Variants in USP34 observed in about 807,000 individuals in gnomAD.
USP34 encodes ubiquitin carboxyl-terminal hydrolase 34.
USP34 carries 70 observed loss-of-function variants against 460.3 expected under a neutral mutation model. That is an observed-to-expected ratio of 0.15 (90% CI 0.13 to 0.19). The LOEUF (loss-of-function observed/expected upper bound fraction) is 0.19, where lower values mean the gene tolerates loss of function less well. Among genes scored for constraint, USP34 ranks in the 10% least tolerant of loss-of-function variants. USP34 has a pLI of 1.00. For missense variants in USP34, 3,985 were observed against 4,236.2 expected, an observed-to-expected ratio of 0.94 and a Z score of 1.65; for synonymous variants, 1,647 against 1,405.3, an observed-to-expected ratio of 1.17 and a Z score of -3.85.
At chr2:61,378,465 A>G in intron 7 of USP34, 41 bp from the exon 8 acceptor site, 1 of 1,428,712 alleles carries the variant, frequency 7.0e-7, no homozygotes, top group South Asian at 1.3e-5. Flanking sequence ...TTATTTCCAA[A>G]ATTATTCTTG....
At chr2:61,265,306 TC>T in intron 43 of USP34, 90 bp downstream of exon 43, 1 of 1,384,854 alleles carries the variant, frequency 7.2e-7, no homozygotes, top group Non-Finnish European at 9.8e-7. Flanking sequence ...AATTATTTTT[TC>T]AAACATTTAC....
At position 61,309,035 on chromosome 2, in the gene USP34, A is replaced by C. The variant is rs571362887; in HGVS notation, c.3817+2505T>G. On this transcript the variant is annotated intron_variant, in intron 27 of 79. Coordinates refer to ENST00000398571, the MANE Select transcript of USP34 (RefSeq NM_014709.4). ...GGGTGACAGAGGGAGACTATCTCAA[A>C]AACAACAACAACAACAACAACAACA... Among the ~76,000 whole-genome samples the C allele has an allele frequency of 1.1e-4, 16 of 151,394 alleles. No individual in the cohort carries two copies. The East Asian group carries it at 2.3e-3, about 22-fold the overall frequency.
intron 10 of USP34, among the ~76,000 whole-genome samples, chr2:61,366,890 A>G (rs1692457928): frequency 6.6e-6 from 1 of 152,140 alleles, no homozygotes. Context: ...TCTGCAAAAA[A>G]ACACAAAAAT....
chr2:61,421,035 G>A (rs1019627505), intron 1 of USP34, among the ~76,000 whole-genome samples: 1 of 151,824 alleles, frequency 6.6e-6, no homozygotes, highest in Admixed American at 6.6e-5. Context: ...GGTGGGGGGG[G>A]CAGTGAGACT....
At chr2:61,350,431 C>A in intron 11 of USP34, 42 bp from the exon 12 acceptor site, 1 of 1,580,870 alleles carries the variant, frequency 6.3e-7, no homozygotes, top group Non-Finnish European at 8.6e-7. Flanking sequence ...GAATTCCAGG[C>A]AACACTAACA....
rs1031616040 is a variant in USP34, at chr2:61,249,168, T to G, written c.6222-485A>C. On this transcript the variant is annotated intron_variant, in intron 48 of 79. Transcript: ENST00000398571. ...TTAGCAACCTCATCGTATGATTTTT[T>G]TCTTTTCATATTGAGAACTTTAAGG... is the stretch of plus-strand genomic sequence containing the variant. Among the ~76,000 whole-genome samples the G allele has an allele frequency of 2.0e-5, 3 of 152,258 alleles. No individual in the cohort carries two copies. In the East Asian group the frequency reaches 5.8e-4, roughly 29 times the overall value.
At chr2:61,249,516 T>C (rs941594523) in intron 48 of USP34, among the ~76,000 whole-genome samples, 2 of 152,204 alleles carry the variant, frequency 1.3e-5, no homozygotes, top group Non-Finnish European at 2.9e-5. Context: ...GGTAACAAAC[T>C]GCAGAAAGAA....
At chr2:61,303,929 G>A (rs1408078975) in intron 27 of USP34, among the ~76,000 whole-genome samples, 5 of 151,816 alleles carry the variant, frequency 3.3e-5, no homozygotes, top group Non-Finnish European at 7.4e-5. Flanking sequence ...GAGGAGTCTC[G>A]CTCTGTCGCC....
At position 61,293,496 on chromosome 2, in the gene USP34, G is replaced by T. The variant is rs761916298; in HGVS notation, c.4516C>A (p.Leu1506Ile). 3 of 1,612,858 alleles carry T rather than the reference G, an allele frequency of 1.9e-6. No individual in the cohort carries two copies. Among genetic ancestry groups the T allele is most frequent in the Non-Finnish European group, 2.5e-6 (3 of 1,179,360 alleles). Residue 1506 changes from leucine (L) to isoleucine (I), a missense_variant, in exon 33 of 80, where the codon CTA becomes ATA. By Grantham distance (5) the Leu-to-Ile change is conservative. Around this residue, in one of 14 missense-constraint regions of USP34, gnomAD observed 1,114 missense variants for 1,122.5 expected, o/e 0.99. Coordinates refer to ENST00000398571, the MANE Select transcript of USP34 (RefSeq NM_014709.4). ...CATGATTCCTGCTCTTTAGGCTCTA[G>T]AATTCCAGAATTAAAAATTTCTAAT... is the stretch of plus-strand genomic sequence containing the variant. ...QLLEIFNSGI[L>I]EPKEQESWTV...
chr2:61,288,501 GATGAAATGAA>G (rs1327372157), intron 34 of USP34, among the ~76,000 whole-genome samples, 166 bp downstream of exon 34: 1 of 152,176 alleles, frequency 6.6e-6, no homozygotes, highest in Non-Finnish European at 1.5e-5. Flanking sequence ...CATTCTGGAT[GATGAAATGAA>G]AAGCAATACT....
At chr2:61,368,723 A>AT (rs764233182) in intron 10 of USP34, among the ~76,000 whole-genome samples, 13 of 152,212 alleles carry the variant, frequency 8.5e-5, no homozygotes, top group Non-Finnish European at 1.8e-4. Context: ...TGGATCAAAG[A>AT]TTAAGATATA....
At chr2:61,468,369 G>A (rs1264295115) in intron 1 of USP34, among the ~76,000 whole-genome samples, 3 of 152,308 alleles carry the variant, frequency 2.0e-5, no homozygotes, top group Non-Finnish European at 4.4e-5. Flanking sequence ...TTTGAGTAGA[G>A]ACGGGGTTTC....
chr2:61,248,869 A>T (rs538249269), intron 48 of USP34, among the ~76,000 whole-genome samples, 186 bp from the exon 49 acceptor site: 2 of 152,156 alleles, frequency 1.3e-5, no homozygotes, highest in South Asian at 4.1e-4. Flanking sequence ...ACAGTATCAA[A>T]CTCTATATAC....
At chr2:61,263,638 T>G (rs1005199129) in intron 43 of USP34, among the ~76,000 whole-genome samples, 1 of 152,014 alleles carries the variant, frequency 6.6e-6, no homozygotes, top group Non-Finnish European at 1.5e-5. Context: ...CCCACCACCA[T>G]ACCCAGCTAT....
Position 61,308,630 on chromosome 2 carries a change from C to CCATT in USP34, c.3817+2909_3817+2910insAATG, listed in dbSNP as rs1572920775. On this transcript the variant is annotated intron_variant, in intron 27 of 79. Coordinates refer to ENST00000398571, the MANE Select transcript of USP34 (RefSeq NM_014709.4). ...TGTGCCAAACTGAAAGGGTCCAGTGCTAAATACCTAAACATGTAAATACTG... is the reference window on the plus strand; with the variant it reads ...TGTGCCAAACTGAAAGGGTCCAGTGCCATTTAAATACCTAAACATGTAAATACTG... Among the ~76,000 whole-genome samples the CCATT allele has an allele frequency of 2.6e-5, 4 of 152,188 alleles. No homozygotes were observed. The East Asian group carries it at 7.7e-4, about 29-fold the overall frequency.
chr2:61,315,594 C>T (rs184857882), intron 23 of USP34, among the ~76,000 whole-genome samples: 4 of 152,036 alleles, frequency 2.6e-5, no homozygotes, highest in Admixed American at 2.0e-4. Context: ...AGGCTGGTCT[C>T]GAACTCCCAA....
chr2:61,216,544 A>G (rs889610180), intron 67 of USP34, among the ~76,000 whole-genome samples: 3 of 151,586 alleles, frequency 2.0e-5, no homozygotes, highest in South Asian at 2.1e-4. Flanking sequence ...AGCTTGCAGT[A>G]AGCCGAGATT....
At chr2:61,430,894 C>T (rs1219270951) in intron 1 of USP34, among the ~76,000 whole-genome samples, 1 of 152,060 alleles carries the variant, frequency 6.6e-6, no homozygotes, top group African/African-American at 2.4e-5. Context: ...ATCTCAGCTA[C>T]TTGGGAGGCT....
intron 7 of USP34, 152 bp downstream of exon 7, chr2:61,380,017 C>A: frequency 1.7e-6 from 1 of 579,262 alleles, no homozygotes. Context: ...ATAAGAGAAA[C>A]ACAGAAATTA....
Sources: gnomAD v4.1 joint callset for allele counts (sites outside exome capture counted in the v4.1 genomes callset) on GRCh38, gnomAD v4.1.1 for gene constraint, gnomAD v4.1.1 regional missense constraint, MANE v1.5 for transcripts, NCBI Gene and HGNC (gene_info 2026-07-23, HGNC 2026-07-21) for gene names.